ABCC5: variants seen among roughly 807,000 people sequenced by gnomAD.
ABCC5 encodes the protein ATP-binding cassette sub-family C member 5.
Under a neutral mutation model 160.9 loss-of-function variants are expected in ABCC5, and 61 were observed. That is an observed-to-expected ratio of 0.38 (90% CI 0.31 to 0.47). The LOEUF is 0.47. Among genes scored for constraint, ABCC5 ranks in the 20% least tolerant of loss-of-function variants. The pLI, the probability that ABCC5 is intolerant of heterozygous loss-of-function variation, is 0.99. For synonymous variants in ABCC5, 666 were observed against 700.6 expected (o/e 0.95, Z 0.78); for missense variants, 1,308 against 1,813.3 (o/e 0.72, Z 5.06).
At chr3:183,973,156 G>A (rs1025444004) in intron 10 of ABCC5, among the ~76,000 whole-genome samples, 3 of 147,712 alleles carry the variant, frequency 2.0e-5, no homozygotes, top group South Asian at 2.1e-4. Flanking sequence ...CTGAGTTCAC[G>A]CCATTTTCCT....
intron 25 of ABCC5, chr3:183,942,293 C>G (rs149866982): frequency 4.6e-6 from 2 of 434,850 alleles, no homozygotes; most frequent in Non-Finnish European, 9.2e-6. Flanking sequence ...CTCGCCCTCC[C>G]AAAGTGCTGG....
At chr3:183,993,354 C>A (rs1019086715) in intron 2 of ABCC5, among the ~76,000 whole-genome samples, 4 of 151,842 alleles carry the variant, frequency 2.6e-5, no homozygotes, top group African/African-American at 9.7e-5. Context: ...CGTGGTGGCA[C>A]ACACCTATAG....
rs1711973970 is a variant in ABCC5, at chr3:183,921,530, T to C, written c.4213-129A>G. The C allele has an allele frequency of 1.6e-6, 1 of 629,554 alleles. No individual in the cohort carries two copies. The highest frequency in any genetic ancestry group is 2.5e-6 in the Non-Finnish European group (1 of 397,104). The allele number at this position is 629,554 out of a possible 1,614,324, so 39.0% of individuals were successfully genotyped here. On this transcript the variant is annotated intron_variant, in intron 29 of 29. Transcript: ENST00000334444. This position sits in a 1 kb window ranked among gnomAD's most constrained non-coding sequence, Gnocchi z 4.1. Reference sequence around the variant, plus strand: ...TGGGGACAATTCAACTAGCCCTGCGTGCACCTCCCCCCTTATTTTTTTATT... The same window carrying C: ...TGGGGACAATTCAACTAGCCCTGCGCGCACCTCCCCCCTTATTTTTTTATT...
intron 5 of ABCC5, chr3:183,985,022 T>G (rs1404059292): frequency 6.1e-6 from 5 of 821,626 alleles, no homozygotes; most frequent in African/African-American, 1.7e-5. Context: ...AAAGACATAG[T>G]GAATGTTTAC....
intron 24 of ABCC5, among the ~76,000 whole-genome samples, chr3:183,945,467 T>C (rs1443935635): frequency 1.3e-5 from 2 of 152,204 alleles, no homozygotes; most frequent in East Asian, 3.8e-4. Context: ...GCCACGTTTG[T>C]CCTGCCAAAA....
chr3:183,951,710 G>T lies in ABCC5; in HGVS notation c.2815-140C>A. On this transcript the variant is annotated intron_variant, in intron 19 of 29. Coordinates refer to ENST00000334444, the MANE Select transcript of ABCC5 (RefSeq NM_005688.4). The surrounding 1 kb of genome is among the most constrained non-coding windows in gnomAD (Gnocchi z 4.7). Reference sequence around the variant, plus strand: ...AGGGACAGGTGGCAAGTGAGAAAAGGTGGAGGCTAACGGAATATGAGTCAT... The same window carrying T: ...AGGGACAGGTGGCAAGTGAGAAAAGTTGGAGGCTAACGGAATATGAGTCAT... 2 of 1,467,554 alleles carry T rather than the reference G, an allele frequency of 1.4e-6. No individual in the cohort carries two copies. Among genetic ancestry groups the T allele is most frequent in the Non-Finnish European group, 1.8e-6 (2 of 1,083,976 alleles). 90.9% of individuals were successfully genotyped at this position (1,467,554 alleles called of 1,614,324 possible). A position where few individuals can be genotyped will look rare whatever the true frequency, so the allele number is the denominator to read the frequency against.
chr3:183,928,710 C>T, intron 27 of ABCC5, 37 bp downstream of exon 27: 2 of 1,588,484 alleles, frequency 1.3e-6, no homozygotes, highest in Middle Eastern at 1.7e-4. Context: ...TCCACCCTCA[C>T]CATCTCAGCA....
intron 28 of ABCC5, among the ~76,000 whole-genome samples, chr3:183,927,003 C>G (rs1416325378): frequency 6.6e-6 from 1 of 151,974 alleles, no homozygotes; most frequent in Non-Finnish European, 1.5e-5. Context: ...CGAGATTTGG[C>G]CACTACACTC....
rs561045108 is a variant in ABCC5, at chr3:184,016,554, TTACTGA to T, written c.-56+1270_-56+1275del. On this transcript the variant is annotated intron_variant, in intron 1 of 29. Transcript: ENST00000334444. Reference sequence around the variant, plus strand: ...AGGATGGATCCCCAGGCCAGCCATTTTACTGATACTATTTATATTTCCCTATCTTCT... The same window carrying T: ...AGGATGGATCCCCAGGCCAGCCATTTTACTATTTATATTTCCCTATCTTCT... Among the ~76,000 whole-genome samples, 14 of 152,374 alleles carry T rather than the reference TTACTGA, an allele frequency of 9.2e-5. No individual in the cohort carries two copies. The South Asian group carries it at 2.5e-3, about 27-fold the overall frequency.
chr3:183,988,843 T>G lies in ABCC5; in HGVS notation c.288-116A>C. 8.5e-7 allele frequency: 1 copy of G among 1,174,908 alleles called. No homozygotes were observed. The highest frequency in any genetic ancestry group is 1.2e-6 in the Non-Finnish European group (1 of 852,916). The allele number at this position is 1,174,908 out of a possible 1,614,324, so 72.8% of individuals were successfully genotyped here. On this transcript the variant is annotated intron_variant, in intron 3 of 29. Coordinates refer to ENST00000334444, the MANE Select transcript of ABCC5 (RefSeq NM_005688.4). The surrounding 1 kb of genome is among the most constrained non-coding windows in gnomAD (Gnocchi z 4.4). ...TTAGCTAAAGACCAGTCTCCCCAGA[T>G]GATCTAATCTTAGCCTGAATGTTCT... is the stretch of plus-strand genomic sequence containing the variant.
At chr3:183,973,133 C>T (rs778370187) in intron 10 of ABCC5, among the ~76,000 whole-genome samples, 3 of 145,258 alleles carry the variant, frequency 2.1e-5, no homozygotes, top group Non-Finnish European at 4.5e-5. Context: ...CGGCTCATTG[C>T]AAGCTCCGCC....
intron 28 of ABCC5, among the ~76,000 whole-genome samples, chr3:183,926,415 T>C (rs1712567010): frequency 6.6e-6 from 1 of 151,262 alleles, no homozygotes; most frequent in Non-Finnish European, 1.5e-5. Context: ...CCGGGCGTGG[T>C]GACGCGCACC....
At chr3:183,938,253 C>A (rs1363905035) in intron 25 of ABCC5, among the ~76,000 whole-genome samples, 193 bp from the exon 26 acceptor site, 4 of 152,128 alleles carry the variant, frequency 2.6e-5, no homozygotes, top group Non-Finnish European at 4.4e-5. Flanking sequence ...CAGACACCTT[C>A]AAATTACACA....
At chr3:183,948,324 A>G (rs1015474374) in intron 22 of ABCC5, among the ~76,000 whole-genome samples, 2 of 145,252 alleles carry the variant, frequency 1.4e-5, no homozygotes, top group Non-Finnish European at 3.0e-5. Context: ...TTAAAACCAG[A>G]GTTGATATTC....
chr3:183,928,927 G>A, intron 26 of ABCC5, 102 bp from the exon 27 acceptor site: 1 of 913,294 alleles, frequency 1.1e-6, no homozygotes, highest in Non-Finnish European at 1.7e-6. Flanking sequence ...AGGGAGAGAA[G>A]ACTCCAAACC....
intron 1 of ABCC5, among the ~76,000 whole-genome samples, chr3:184,016,284 G>C (rs375442733): frequency 1.4e-4 from 21 of 152,238 alleles, no homozygotes; most frequent in Non-Finnish European, 2.9e-4. Context: ...AGGGTGTGGG[G>C]AACAGTGTTC....
chr3:183,959,254 CCT>C (rs2108814043), intron 17 of ABCC5, among the ~76,000 whole-genome samples: 1 of 152,256 alleles, frequency 6.6e-6, no homozygotes, highest in South Asian at 2.1e-4. Context: ...AGGAAAAACC[CCT>C]CTCTGTCACT....
chr3:183,952,792 T>C (rs1044091545), intron 18 of ABCC5, among the ~76,000 whole-genome samples: 2 of 152,190 alleles, frequency 1.3e-5, no homozygotes, highest in African/African-American at 2.4e-5. Context: ...CTTTGTCAAG[T>C]ACCCCGTCTT....
intron 2 of ABCC5, chr3:184,000,705 A>C (rs1720682140): frequency 6.6e-6 from 1 of 152,418 alleles, no homozygotes; most frequent in South Asian, 2.1e-4. Context: ...GCAGGGATTC[A>C]GGAGAGCAAA....
Sources: gnomAD v4.1 joint callset for allele counts (sites outside exome capture counted in the v4.1 genomes callset) on GRCh38, gnomAD v4.1.1 for gene constraint, Gnocchi (gnomAD v3.1) non-coding constraint, MANE v1.5 for transcripts, NCBI Gene and HGNC (gene_info 2026-07-23, HGNC 2026-07-21) for gene names.